GPATCH8: variants seen among roughly 807,000 people sequenced by gnomAD.
GPATCH8 encodes the protein G patch domain-containing protein 8.
Under a neutral mutation model 118.3 loss-of-function variants are expected in GPATCH8, and 18 were observed. The observed-to-expected ratio is 0.15, with a 90% CI of 0.11 to 0.23. The LOEUF (loss-of-function observed/expected upper bound fraction) is 0.23, where lower values mean the gene tolerates loss of function less well. GPATCH8 is among the 10% of genes least tolerant of loss of function. GPATCH8 has a pLI of 1.00. For synonymous variants in GPATCH8, 659 were observed against 684.7 expected (o/e 0.96, Z 0.59); for missense variants, 1,631 against 1,873.8 (o/e 0.87, Z 2.39).
rs1165141003 is a variant in GPATCH8, at chr17:44,397,555, C to A, written c.*13G>T. 1.3e-6 allele frequency: 2 copies of A among 1,590,236 alleles called. No individual in the cohort carries two copies. Among genetic ancestry groups the A allele is most frequent in the African/African-American group, 1.3e-5 (1 of 74,538 alleles). On this transcript the variant is annotated 3_prime_UTR_variant, in exon 8 of 8. Coordinates refer to ENST00000591680, the MANE Select transcript of GPATCH8 (RefSeq NM_001002909.4). The stretch of plus-strand genomic sequence containing the variant: ...CTCCTCCCCTGGCCCTACCTAGGAT[C>A]CCATCCCCCAACTCACGTGCCATGG...
intron 3 of GPATCH8, among the ~76,000 whole-genome samples, chr17:44,454,230 C>A (rs2051242298): frequency 6.6e-6 from 1 of 152,126 alleles, no homozygotes; most frequent in Admixed American, 6.5e-5. Flanking sequence ...ACCTTCAAAT[C>A]CTAGATTCAA....
chr17:44,493,390 G>C (rs564932296), intron 1 of GPATCH8, among the ~76,000 whole-genome samples: 1 of 152,164 alleles, frequency 6.6e-6, no homozygotes, highest in South Asian at 2.1e-4. Context: ...GAGATGTTCT[G>C]AAACAAAAAT....
chr17:44,418,768 A>G (rs2049786406), intron 6 of GPATCH8, among the ~76,000 whole-genome samples: 1 of 152,200 alleles, frequency 6.6e-6, no homozygotes, highest in Admixed American at 6.5e-5. Flanking sequence ...GCTAATGTCT[A>G]TTGAGCATTC....
At chr17:44,488,161 G>C (rs1348577508) in intron 1 of GPATCH8, among the ~76,000 whole-genome samples, 1 of 149,158 alleles carries the variant, frequency 6.7e-6, no homozygotes, top group East Asian at 2.0e-4. Flanking sequence ...CTGACCTCGT[G>C]ATCCACCTGC....
At chr17:44,420,209 G>C (rs1030231965) in intron 6 of GPATCH8, among the ~76,000 whole-genome samples, 4 of 151,902 alleles carry the variant, frequency 2.6e-5, no homozygotes, top group Admixed American at 6.6e-5. Context: ...CCTTAATTTT[G>C]TATTTTTATT....
At position 44,398,217 on chromosome 17, in the gene GPATCH8, C is replaced by T; in HGVS notation, c.3860G>A (p.Gly1287Glu). The change falls in exon 8 of 8, where the codon GGG (glycine) becomes GAG (glutamate). Residue 1287 changes from glycine to glutamate, a missense_variant. Around this residue, in one of 8 missense-constraint regions of GPATCH8, gnomAD observed 922 missense variants for 879.7 expected, o/e 1.05. Transcript: ENST00000591680. ...ATCTGTTGACTCAATACTAGGATCC[C>T]CACTGGGAGGTGCATAACTGGGGAA... ...EHFPSYAPPS[G>E]DPSIESTDGA... 1 of 1,613,396 alleles carries T rather than the reference C, an allele frequency of 6.2e-7. No individual in the cohort carries two copies.
intron 1 of GPATCH8, among the ~76,000 whole-genome samples, chr17:44,484,419 C>G (rs1449631413): frequency 6.6e-6 from 1 of 152,024 alleles, no homozygotes; most frequent in Non-Finnish European, 1.5e-5. Flanking sequence ...AGTAACAGAC[C>G]ACCTAATTTT....
intron 3 of GPATCH8, among the ~76,000 whole-genome samples, chr17:44,453,836 T>C (rs983130804): frequency 6.6e-6 from 1 of 151,958 alleles, no homozygotes; most frequent in African/African-American, 2.4e-5. Flanking sequence ...CCCAGCCTAG[T>C]TACAGTTTTT....
intron 1 of GPATCH8, among the ~76,000 whole-genome samples, chr17:44,502,492 C>A (rs1251163308): frequency 6.6e-6 from 1 of 151,858 alleles, no homozygotes; most frequent in Non-Finnish European, 1.5e-5. Flanking sequence ...AGCGAAAAAA[C>A]AAGTTATTCT....
chr17:44,407,494 C>A (rs748271722), intron 6 of GPATCH8, among the ~76,000 whole-genome samples: 3 of 151,998 alleles, frequency 2.0e-5, no homozygotes, highest in Admixed American at 6.6e-5. Context: ...AGTAATCCCA[C>A]CTAGAAAAAT....
intron 5 of GPATCH8, among the ~76,000 whole-genome samples, chr17:44,426,829 T>C: frequency 7.0e-6 from 1 of 142,224 alleles, no homozygotes; most frequent in East Asian, 2.0e-4. Context: ...CTTTGATCTC[T>C]TCAACAACAC....
At chr17:44,497,105 G>A (rs1352334536) in intron 1 of GPATCH8, among the ~76,000 whole-genome samples, 3 of 152,244 alleles carry the variant, frequency 2.0e-5, no homozygotes, top group South Asian at 2.1e-4. Context: ...AGACTTACAA[G>A]CAAAAGTACC....
intron 2 of GPATCH8, among the ~76,000 whole-genome samples, chr17:44,468,296 A>G (rs1966968713): frequency 6.6e-6 from 1 of 151,698 alleles, no homozygotes; most frequent in African/African-American, 2.4e-5. Flanking sequence ...TACAACACCA[A>G]GTTGGCACAA....
chr17:44,430,325 G>T (rs888660784), intron 5 of GPATCH8, among the ~76,000 whole-genome samples: 2 of 152,054 alleles, frequency 1.3e-5, no homozygotes, highest in Middle Eastern at 3.4e-3. Flanking sequence ...GGCGAAGTGG[G>T]ATTTATCCCA....
At chr17:44,474,741 A>G (rs758917659) in intron 2 of GPATCH8, 88 bp downstream of exon 2, 5 of 748,664 alleles carry the variant, frequency 6.7e-6, no homozygotes, top group Middle Eastern at 2.3e-4. Context: ...TTGGTTATTA[A>G]TAAGTTTAAC....
intron 2 of GPATCH8, 139 bp from the exon 3 acceptor site, chr17:44,464,683 G>A: frequency 1.4e-6 from 1 of 716,298 alleles, no homozygotes; most frequent in Non-Finnish European, 2.6e-6. Flanking sequence ...TAGGGTAAAT[G>A]TGCCCAATAA....
rs770140313 is a variant in GPATCH8, at chr17:44,463,238, A to G, written c.193+1234T>C. On this transcript the variant is annotated intron_variant, in intron 3 of 7. Coordinates refer to ENST00000591680, the MANE Select transcript of GPATCH8 (RefSeq NM_001002909.4). Reference sequence around the variant, plus strand: ...CCTGTCCTTGTGTTCCTCTCAACACACTTGAATTGATCAGACTTTGGCATT... The same window carrying G: ...CCTGTCCTTGTGTTCCTCTCAACACGCTTGAATTGATCAGACTTTGGCATT... Among the ~76,000 whole-genome samples, 9 of 152,092 alleles carry G rather than the reference A, an allele frequency of 5.9e-5. No individual in the cohort carries two copies. In the South Asian group the frequency reaches 1.0e-3, roughly 17 times the overall value.
intron 5 of GPATCH8, among the ~76,000 whole-genome samples, chr17:44,429,954 G>A (rs554262785): frequency 1.8e-4 from 27 of 152,012 alleles, no homozygotes; most frequent in African/African-American, 6.3e-4. Context: ...GCTTGAACCC[G>A]GGAGGCACAG....
chr17:44,444,961 G>A (rs560067603), intron 3 of GPATCH8, among the ~76,000 whole-genome samples: 49 of 152,238 alleles, frequency 3.2e-4, no homozygotes, highest in African/African-American at 1.1e-3. Flanking sequence ...CATGATGCGC[G>A]CCGCTTAACA....
Sources: gnomAD v4.1 joint callset for allele counts (sites outside exome capture counted in the v4.1 genomes callset) on GRCh38, gnomAD v4.1.1 for gene constraint, gnomAD v4.1.1 regional missense constraint, MANE v1.5 for transcripts, NCBI Gene and HGNC (gene_info 2026-07-23, HGNC 2026-07-21) for gene names.